FAXDC2: variants seen among roughly 807,000 people sequenced by gnomAD.
The protein encoded by FAXDC2 is fatty acid hydroxylase domain containing 2.
Under a neutral mutation model 40.9 loss-of-function variants are expected in FAXDC2, and 41 were observed. That is an observed-to-expected ratio of 1.00 (90% CI 0.78 to 1.30). The LOEUF is 1.30. FAXDC2 is among the 50% of genes most tolerant of loss of function. The pLI, the probability that FAXDC2 is intolerant of heterozygous loss-of-function variation, is 0.00. For missense variants in FAXDC2, 390 were observed against 408.8 expected (o/e 0.95, Z 0.40); for synonymous variants, 157 against 149.3 (o/e 1.05, Z -0.38).
At chr5:154,849,963 C>T (rs1760690697) in intron 1 of FAXDC2, among the ~76,000 whole-genome samples, 1 of 152,186 alleles carries the variant, frequency 6.6e-6, no homozygotes, top group Admixed American at 6.5e-5. Context: ...CAGTTTCAAC[C>T]TACTTGTCTA....
Position 154,820,123 on chromosome 5 carries a change from G to A in FAXDC2, c.*193C>T, listed in dbSNP as rs1759843824. 1 of 577,346 alleles carries A rather than the reference G, an allele frequency of 1.7e-6. No homozygotes were observed. Among genetic ancestry groups the A allele is most frequent in the Non-Finnish European group, 3.2e-6 (1 of 313,124 alleles). 35.8% of individuals were successfully genotyped at this position (577,346 alleles called of 1,614,324 possible). A position where few individuals can be genotyped will look rare whatever the true frequency, so the allele number is the denominator to read the frequency against. Reference sequence around the variant, plus strand: ...TAAGCTAACTCCTGATCCCATTGAGGGACATCAAGGGCAGTAGTTTGAAGA... The same window carrying A: ...TAAGCTAACTCCTGATCCCATTGAGAGACATCAAGGGCAGTAGTTTGAAGA... On this transcript the variant is annotated 3_prime_UTR_variant, in exon 9 of 9. Coordinates refer to ENST00000326080, the MANE Select transcript of FAXDC2 (RefSeq NM_032385.5).
At chr5:154,833,292 C>T (rs1184500064) in intron 4 of FAXDC2, among the ~76,000 whole-genome samples, 2 of 151,880 alleles carry the variant, frequency 1.3e-5, no homozygotes, top group Non-Finnish European at 2.9e-5. Context: ...CTGCCTCAGC[C>T]TCCCAAAGTG....
rs554355163 is a variant in FAXDC2, at chr5:154,830,833, G to A, written c.334C>T (p.Arg112Cys). Residue 112 changes from arginine to cysteine, a missense_variant, in exon 5 of 9, where the codon CGC becomes TGC. By Grantham distance (180) the Arg-to-Cys change is radical. Transcript: ENST00000326080. ...TTCTTGCCGACCTGAATTCGGTAGCGAGAGATGAAGTTAGGTTTTCCTGTT... is the reference window on the plus strand; with the variant it reads ...TTCTTGCCGACCTGAATTCGGTAGCAAGAGATGAAGTTAGGTTTTCCTGTT... ...DTTGKPNFIS[R>C]YRIQVGKNEP... The A allele has an allele frequency of 1.9e-5, 31 of 1,614,140 alleles. No homozygotes were observed. Among genetic ancestry groups the A allele is most frequent in the South Asian group, 3.3e-5 (3 of 91,080 alleles).
At chr5:154,826,187 GA>G (rs2113130194) in intron 5 of FAXDC2, among the ~76,000 whole-genome samples, 1 of 152,218 alleles carries the variant, frequency 6.6e-6, no homozygotes, top group African/African-American at 2.4e-5. Context: ...AGAGGTTGGG[GA>G]GAAGAGAAGG....
At chr5:154,826,446 T>C (rs1170076874) in intron 5 of FAXDC2, among the ~76,000 whole-genome samples, 1 of 151,002 alleles carries the variant, frequency 6.6e-6, no homozygotes, top group Non-Finnish European at 1.5e-5. Context: ...GGAGAATCGC[T>C]TGAACCCGGG....
intron 7 of FAXDC2, 89 bp downstream of exon 7, chr5:154,822,383 G>T: frequency 4.8e-6 from 4 of 840,180 alleles, no homozygotes; most frequent in East Asian, 4.9e-5. Flanking sequence ...AAAAAGGGCC[G>T]GTGTGGTCTA....
At chr5:154,839,012 T>G (rs1344246140) in intron 1 of FAXDC2, 1 of 152,136 alleles carries the variant, frequency 6.6e-6, no homozygotes, top group African/African-American at 2.4e-5. Context: ...AAGAATTGGC[T>G]AGAAGGACAA....
At chr5:154,823,167 A>G (rs967846198) in intron 6 of FAXDC2, 19 of 535,490 alleles carry the variant, frequency 3.5e-5, no homozygotes, top group Middle Eastern at 5.1e-4. Flanking sequence ...ACACACCACC[A>G]TGCCTGGCTA....
At chr5:154,832,698 C>T (rs1272006520) in intron 4 of FAXDC2, among the ~76,000 whole-genome samples, 3 of 152,106 alleles carry the variant, frequency 2.0e-5, no homozygotes, top group African/African-American at 7.2e-5. Flanking sequence ...GAAATATTTT[C>T]TCTCTCTCAT....
intron 5 of FAXDC2, among the ~76,000 whole-genome samples, chr5:154,830,072 C>G (rs2113139867): frequency 6.6e-6 from 1 of 152,340 alleles, no homozygotes; most frequent in South Asian, 2.1e-4. Flanking sequence ...GACACCTGGG[C>G]AGATGACTAA....
At chr5:154,830,615 GCTGAGTGACT>G in intron 5 of FAXDC2, 176 bp downstream of exon 5, 1 of 571,324 alleles carries the variant, frequency 1.8e-6, no homozygotes, top group African/African-American at 1.9e-5. Context: ...CTGGCCACTA[GCTGAGTGACT>G]CTGAGGTTGT....
intron 2 of FAXDC2, chr5:154,835,157 T>C (rs957498145): frequency 2.4e-5 from 12 of 492,334 alleles, no homozygotes; most frequent in Non-Finnish European, 3.7e-5. Context: ...AGAGCTCAAG[T>C]TGGGGGAGGG....
At chr5:154,835,059 G>A (rs563396364) in intron 2 of FAXDC2, 125 bp from the exon 3 acceptor site, 41 of 656,914 alleles carry the variant, frequency 6.2e-5, no homozygotes, top group South Asian at 2.9e-4. Context: ...GCACATCTGC[G>A]TTTTCCAGCT....
chr5:154,844,557 A>G (rs1453241808), intron 1 of FAXDC2, among the ~76,000 whole-genome samples: 1 of 151,958 alleles, frequency 6.6e-6, no homozygotes, highest in East Asian at 1.9e-4. Context: ...GCACCTGTTT[A>G]TTTTCTCTAC....
chr5:154,828,865 T>A (rs1760114968), intron 5 of FAXDC2, among the ~76,000 whole-genome samples: 1 of 151,104 alleles, frequency 6.6e-6, no homozygotes, highest in Non-Finnish European at 1.5e-5. Flanking sequence ...CCTCCCAAAG[T>A]GCTGAGATTA....
intron 1 of FAXDC2, among the ~76,000 whole-genome samples, chr5:154,848,625 C>T (rs1760663200): frequency 6.6e-6 from 1 of 152,128 alleles, no homozygotes; most frequent in South Asian, 2.1e-4. Flanking sequence ...AACATCTGTA[C>T]TAATCTGAGG....
intron 1 of FAXDC2, among the ~76,000 whole-genome samples, chr5:154,844,518 T>C (rs1425963208): frequency 6.6e-6 from 1 of 152,188 alleles, no homozygotes; most frequent in Non-Finnish European, 1.5e-5. Context: ...CAAAGAAAAT[T>C]GGACAATCCA....
chr5:154,839,971 C>T (rs1276734856), intron 1 of FAXDC2, among the ~76,000 whole-genome samples: 1 of 152,076 alleles, frequency 6.6e-6, no homozygotes, highest in Non-Finnish European at 1.5e-5. Context: ...GTGTCATAAC[C>T]TGGCTGGAGA....
At chr5:154,847,775 G>C (rs1051630190) in intron 1 of FAXDC2, among the ~76,000 whole-genome samples, 4 of 151,690 alleles carry the variant, frequency 2.6e-5, no homozygotes, top group Non-Finnish European at 5.9e-5. Context: ...ACAGGCATGA[G>C]CCACTGCGCC....
Sources: gnomAD v4.1 joint callset for allele counts (sites outside exome capture counted in the v4.1 genomes callset) on GRCh38, gnomAD v4.1.1 for gene constraint, MANE v1.5 for transcripts, NCBI Gene and HGNC (gene_info 2026-07-23, HGNC 2026-07-21) for gene names.